Variants in GPR158 observed in about 807,000 individuals in gnomAD.
GPR158 encodes the protein G protein-coupled receptor 158.
A neutral mutation model predicts 78.2 loss-of-function variants in GPR158; 30 were observed. The ratio of observed to expected loss-of-function variants is 0.38; its 90% CI spans 0.29 to 0.52. The LOEUF is 0.52. GPR158 is among the 20% of genes least tolerant of loss of function. The pLI is 0.83. For missense variants in GPR158, 1,463 were observed against 1,523.5 expected, an observed-to-expected ratio of 0.96 and a Z score of 0.66; for synonymous variants, 581 against 591.1, an observed-to-expected ratio of 0.98 and a Z score of 0.25.
intron 2 of GPR158, among the ~76,000 whole-genome samples, chr10:25,291,306 AT>A (rs1271527914): frequency 1.3e-5 from 2 of 152,094 alleles, no homozygotes; most frequent in African/African-American, 2.4e-5. Flanking sequence ...CGGGCCATAG[AT>A]TTATCTTTGA....
chr10:25,572,899 C>T lies in GPR158; in HGVS notation c.1753+12C>T, dbSNP rs748895945. The T allele has an allele frequency of 2.8e-6, 4 of 1,438,688 alleles. No individual in the cohort carries two copies. Among genetic ancestry groups the T allele is most frequent in the South Asian group, 2.3e-5 (2 of 87,624 alleles). 89.1% of individuals were successfully genotyped at this position (1,438,688 alleles called of 1,614,324 possible). ...CATGACAGCAGTTGGTATGTGGTCA[C>T]TTGTTTCGTATGATGGTCTTACCAT... On this transcript the variant is annotated intron_variant, in intron 7 of 10. Transcript: ENST00000376351.
At chr10:25,513,088 A>G (rs951294154) in intron 5 of GPR158, among the ~76,000 whole-genome samples, 2 of 151,826 alleles carry the variant, frequency 1.3e-5, no homozygotes, top group African/African-American at 4.8e-5. Flanking sequence ...ATCTTTTGGG[A>G]TAGTGTCAAT....
chr10:25,517,012 G>A (rs1335398058), intron 5 of GPR158, among the ~76,000 whole-genome samples: 1 of 150,292 alleles, frequency 6.7e-6, no homozygotes, highest in African/African-American at 2.5e-5. Flanking sequence ...AGCATGGAAT[G>A]CTCTTCCATT....
intron 7 of GPR158, among the ~76,000 whole-genome samples, chr10:25,574,160 A>C (rs1488808135): frequency 6.6e-6 from 1 of 150,624 alleles, no homozygotes; most frequent in African/African-American, 2.4e-5. Flanking sequence ...AAAAAAAAAA[A>C]AAAAAAAAAA....
intron 3 of GPR158, 69 bp from the exon 4 acceptor site, chr10:25,412,181 T>C (rs1834600310): frequency 4.8e-6 from 5 of 1,042,062 alleles, no homozygotes; most frequent in Non-Finnish European, 6.0e-6. Context: ...GGATGTCTTT[T>C]GACTCTATAC....
intron 5 of GPR158, among the ~76,000 whole-genome samples, chr10:25,542,391 T>G (rs74124068): frequency 0.022 from 3,281 of 152,318 alleles, 111 homozygotes; most frequent in African/African-American, 0.075. Context: ...CATGCTGGCT[T>G]CTTCTCATCA....
At chr10:25,469,001 T>C (rs1477134170) in intron 5 of GPR158, among the ~76,000 whole-genome samples, 2 of 152,126 alleles carry the variant, frequency 1.3e-5, no homozygotes, top group Non-Finnish European at 2.9e-5. Flanking sequence ...ACCTGAAAGG[T>C]GAGTAGGTGT....
chr10:25,419,399 G>A (rs551590107), intron 4 of GPR158, among the ~76,000 whole-genome samples: 2 of 152,204 alleles, frequency 1.3e-5, no homozygotes, highest in South Asian at 2.1e-4. Flanking sequence ...TTCATCTGTT[G>A]ATGGCCATTT....
intron 6 of GPR158, among the ~76,000 whole-genome samples, chr10:25,572,010 C>A (rs931615895): frequency 5.3e-5 from 8 of 152,020 alleles, no homozygotes; most frequent in Non-Finnish European, 8.8e-5. Context: ...CAGAAAATAT[C>A]TTTAATAACA....
At chr10:25,512,259 A>G (rs1836096094) in intron 5 of GPR158, among the ~76,000 whole-genome samples, 1 of 152,080 alleles carries the variant, frequency 6.6e-6, no homozygotes, top group Non-Finnish European at 1.5e-5. Context: ...CTTCTTGGTT[A>G]GGTATATTCC....
chr10:25,205,130 TC>T (rs1853004724), intron 1 of GPR158, among the ~76,000 whole-genome samples: 1 of 152,142 alleles, frequency 6.6e-6, no homozygotes, highest in African/African-American at 2.4e-5. Flanking sequence ...TTGTGAGGCC[TC>T]CCCAGCCATG....
chr10:25,516,938 T>A (rs1303446807), intron 5 of GPR158, among the ~76,000 whole-genome samples: 1 of 147,000 alleles, frequency 6.8e-6, no homozygotes, highest in South Asian at 2.1e-4. Flanking sequence ...GGGGATGGCA[T>A]TGAATCTGCA....
chr10:25,285,284 T>C (rs1854334977), intron 2 of GPR158, among the ~76,000 whole-genome samples: 1 of 152,090 alleles, frequency 6.6e-6, no homozygotes, highest in Non-Finnish European at 1.5e-5. Context: ...CACACACGTA[T>C]GCATTGATAT....
intron 2 of GPR158, among the ~76,000 whole-genome samples, chr10:25,225,946 C>G (rs1224022465): frequency 1.3e-5 from 2 of 152,158 alleles, no homozygotes; most frequent in Non-Finnish European, 2.9e-5. Flanking sequence ...AACCCTCTTA[C>G]ATACCAAATG....
At chr10:25,370,319 C>G (rs1438240999) in intron 2 of GPR158, among the ~76,000 whole-genome samples, 1 of 146,728 alleles carries the variant, frequency 6.8e-6, no homozygotes, top group Non-Finnish European at 1.5e-5. Context: ...CTATAAATTT[C>G]CCTCTACACA....
At chr10:25,526,748 T>C (rs1327698690) in intron 5 of GPR158, among the ~76,000 whole-genome samples, 1 of 152,164 alleles carries the variant, frequency 6.6e-6, no homozygotes, top group Non-Finnish European at 1.5e-5. Context: ...CTGAGTTACA[T>C]AGGCAGAGCT....
Position 25,461,733 on chromosome 10 carries a change from C to CTT in GPR158, c.1336-4902_1336-4901dup, listed in dbSNP as rs35604549. ...GGAAGAAGATGCCATCTAGGACTTT[C>CTT]TTTTTTTTTTTTTTTTTGAGATGGA... On this transcript the variant is annotated intron_variant, in intron 4 of 10. Coordinates refer to ENST00000376351, the MANE Select transcript of GPR158 (RefSeq NM_020752.3). 6.1e-3 allele frequency among the ~76,000 whole-genome samples: 811 copies of CTT among 132,484 alleles called. 12 individuals are homozygous for CTT. The highest frequency in any genetic ancestry group is 0.02 in the African/African-American group (696 of 34,902). 86.9% of individuals were successfully genotyped at this position (132,484 alleles called of 152,430 possible).
chr10:25,543,227 T>C (rs182915384), intron 5 of GPR158, among the ~76,000 whole-genome samples: 78 of 152,190 alleles, frequency 5.1e-4, no homozygotes, highest in African/African-American at 1.8e-3. Context: ...TTCGAGAAAT[T>C]CTCATGCCTC....
intron 2 of GPR158, among the ~76,000 whole-genome samples, chr10:25,241,317 TTCTCTTCTC>T (rs1853618590): frequency 1.5e-5 from 2 of 136,810 alleles, no homozygotes; most frequent in Non-Finnish European, 3.0e-5. Flanking sequence ...TTCTTTTCTC[TTCTCTTCTC>T]TTCTCTTCTC....
Sources: allele counts gnomAD v4.1 joint callset (sites outside exome capture counted in the v4.1 genomes callset), GRCh38; gene constraint gnomAD v4.1.1; transcripts MANE v1.5; gene names NCBI Gene and HGNC (gene_info 2026-07-23, HGNC 2026-07-21).